The following SUCLG2 variants were observed in gnomAD, a reference collection of about 807,000 sequenced individuals.
SUCLG2 encodes the protein succinate-CoA ligase GDP-forming subunit beta.
In SUCLG2, 42 loss-of-function variants were observed where a neutral mutation model predicts 47.9. The ratio of observed to expected loss-of-function variants is 0.88; its 90% CI spans 0.69 to 1.14. SUCLG2 has a LOEUF of 1.14. Ranked by LOEUF, SUCLG2 falls within the 50% of genes most tolerant of loss-of-function variation. The pLI, the probability that SUCLG2 is intolerant of heterozygous loss-of-function variation, is 0.00. For missense variants in SUCLG2, 571 were observed against 525.9 expected (o/e 1.09, Z -0.84); for synonymous variants, 195 against 197.3 (o/e 0.99, Z 0.10).
At chr3:67,565,107 G>T (rs1028950) in intron 2 of SUCLG2, among the ~76,000 whole-genome samples, 85,042 of 151,920 alleles carry the variant, frequency 0.56, 24,264 homozygotes, top group African/African-American at 0.66. Flanking sequence ...TATTTTGACA[G>T]GGAAACACAT....
At chr3:67,453,918 C>A (rs2106941988) in intron 9 of SUCLG2, among the ~76,000 whole-genome samples, 1 of 152,182 alleles carries the variant, frequency 6.6e-6, no homozygotes, top group African/African-American at 2.4e-5. Flanking sequence ...TGTACTTGGG[C>A]AAACCCCCAA....
intron 2 of SUCLG2, among the ~76,000 whole-genome samples, chr3:67,547,494 C>T (rs1474461746): frequency 6.6e-6 from 1 of 152,132 alleles, no homozygotes; most frequent in African/African-American, 2.4e-5. Flanking sequence ...AGCACTGGTG[C>T]CCTTAAATCC....
At chr3:67,507,874 G>C (rs1249304841) in intron 7 of SUCLG2, among the ~76,000 whole-genome samples, 3 of 152,318 alleles carry the variant, frequency 2.0e-5, no homozygotes, top group Non-Finnish European at 1.5e-5. Flanking sequence ...CTTACAGTCT[G>C]GTATCCCTAT....
chr3:67,590,608 G>T (rs1708134670), intron 2 of SUCLG2, among the ~76,000 whole-genome samples: 1 of 152,104 alleles, frequency 6.6e-6, no homozygotes, highest in African/African-American at 2.4e-5. Flanking sequence ...CTCCTGCTTT[G>T]CCTTCTGCCA....
At chr3:67,544,484 C>T (rs1433135429) in intron 2 of SUCLG2, among the ~76,000 whole-genome samples, 1 of 152,122 alleles carries the variant, frequency 6.6e-6, no homozygotes, top group Non-Finnish European at 1.5e-5. Flanking sequence ...TGCTTGCTTC[C>T]CCTTCGCCTT....
intron 2 of SUCLG2, among the ~76,000 whole-genome samples, chr3:67,540,924 C>CA (rs1428945950): frequency 6.6e-6 from 1 of 152,190 alleles, no homozygotes; most frequent in Non-Finnish European, 1.5e-5. Flanking sequence ...AGTGGACCGC[C>CA]AGCAAATTCC....
chr3:67,466,134 C>T (rs760316170), intron 9 of SUCLG2, among the ~76,000 whole-genome samples: 3 of 152,116 alleles, frequency 2.0e-5, no homozygotes, highest in Non-Finnish European at 4.4e-5. Context: ...AGGTGGATCA[C>T]CTGAGGTCAG....
chr3:67,450,067 G>T (rs1216843786), intron 9 of SUCLG2, among the ~76,000 whole-genome samples: 1 of 148,548 alleles, frequency 6.7e-6, no homozygotes, highest in Non-Finnish European at 1.5e-5. Context: ...TTAGAGACAG[G>T]GTCTTGCTCT....
At chr3:67,470,064 A>AG (rs36010276) in intron 9 of SUCLG2, among the ~76,000 whole-genome samples, 1 of 149,980 alleles carries the variant, frequency 6.7e-6, no homozygotes, top group African/African-American at 2.5e-5. Flanking sequence ...AAAAAAAAAA[A>AG]TGTTGTCCAA....
At chr3:67,512,932 CAT>C (rs1487463716) in intron 6 of SUCLG2, among the ~76,000 whole-genome samples, 7 of 150,410 alleles carry the variant, frequency 4.7e-5, no homozygotes, top group Non-Finnish European at 8.8e-5. Context: ...TATATACGCA[CAT>C]ATATATCTCT....
At chr3:67,531,245 AAAATACTTTT>A (rs1209470175) in intron 2 of SUCLG2, among the ~76,000 whole-genome samples, 4 of 152,204 alleles carry the variant, frequency 2.6e-5, no homozygotes, top group Non-Finnish European at 5.9e-5. Flanking sequence ...TCAAGTGGAA[AAAATACTTTT>A]TGCTGTCTAC....
At chr3:67,611,816 T>G (rs994689235) in intron 1 of SUCLG2, among the ~76,000 whole-genome samples, 2 of 152,210 alleles carry the variant, frequency 1.3e-5, no homozygotes, top group Non-Finnish European at 2.9e-5. Flanking sequence ...GAGGCCAGCT[T>G]CACAGACATG....
At chr3:67,643,437 A>G (rs951639452) in intron 1 of SUCLG2, among the ~76,000 whole-genome samples, 1 of 151,954 alleles carries the variant, frequency 6.6e-6, no homozygotes, top group Non-Finnish European at 1.5e-5. Flanking sequence ...TGAACTTAAA[A>G]CTCTTGTTTA....
At chr3:67,638,616 A>G (rs1701047110) in intron 1 of SUCLG2, among the ~76,000 whole-genome samples, 1 of 152,226 alleles carries the variant, frequency 6.6e-6, no homozygotes, top group South Asian at 2.1e-4. Context: ...CTGGTCATCA[A>G]AGTCTAATTC....
chr3:67,374,685 T>C, downstream of SUCLG2: 2 of 810,898 alleles, frequency 2.5e-6, no homozygotes, highest in African/African-American at 1.9e-5. Flanking sequence ...GTTTGAGGAA[T>C]AAAATTGAGT....
At chr3:67,608,544 C>T (rs1413453092) in intron 2 of SUCLG2, among the ~76,000 whole-genome samples, 1 of 152,044 alleles carries the variant, frequency 6.6e-6, no homozygotes, top group Non-Finnish European at 1.5e-5. Flanking sequence ...AACGATGCTC[C>T]ACTGTTGTAC....
chr3:67,413,282 G>A (rs1001308569), intron 9 of SUCLG2, among the ~76,000 whole-genome samples: 8 of 152,086 alleles, frequency 5.3e-5, no homozygotes, highest in African/African-American at 1.9e-4. Flanking sequence ...CAGTTTATTA[G>A]CCACAAACAA....
At chr3:67,642,918 CTG>C (rs3221813) in intron 1 of SUCLG2, among the ~76,000 whole-genome samples, 40,181 of 146,376 alleles carry the variant, frequency 0.27, 5,770 homozygotes, top group Non-Finnish European at 0.34. Flanking sequence ...GAAAAGGACT[CTG>C]TGTGTGTGTG....
chr3:67,392,269 C>A (rs185607824), intron 10 of SUCLG2, among the ~76,000 whole-genome samples: 2 of 152,174 alleles, frequency 1.3e-5, no homozygotes, highest in African/African-American at 4.8e-5. Flanking sequence ...CACCTTTTCC[C>A]TGCAGAACCC....
Sources: allele counts gnomAD v4.1 joint callset (sites outside exome capture counted in the v4.1 genomes callset), GRCh38; gene constraint gnomAD v4.1.1; transcripts MANE v1.5; gene names NCBI Gene and HGNC (gene_info 2026-07-23, HGNC 2026-07-21).